Variants in PTPRD observed in about 807,000 individuals in gnomAD.
The protein encoded by PTPRD is protein tyrosine phosphatase receptor type D, also known as receptor-type tyrosine-protein phosphatase delta.
Under a neutral mutation model 214.5 loss-of-function variants are expected in PTPRD, and 34 were observed. That is an observed-to-expected ratio of 0.16 (90% confidence interval 0.12 to 0.21). The LOEUF (loss-of-function observed/expected upper bound fraction) is 0.21, where lower values mean the gene tolerates loss of function less well. Ranked by LOEUF, PTPRD falls within the 10% of genes least tolerant of loss-of-function variation. The probability of loss-of-function intolerance (pLI) is 1.00; values close to 1 mark genes in which losing one functional copy is unlikely to be tolerated. For synonymous variants in PTPRD, 1,128 were observed against 845.7 expected (o/e 1.33, Z -5.79); for missense variants, 2,545 against 2,398.7 (o/e 1.06, Z -1.27).
At chr9:10,130,692 C>T (rs1262297319) in intron 3 of PTPRD, among the ~76,000 whole-genome samples, 2 of 151,756 alleles carry the variant, frequency 1.3e-5, no homozygotes, top group Non-Finnish European at 2.9e-5. Context: ...TACTGAATGA[C>T]AGAAATAGTA....
intron 7 of PTPRD, among the ~76,000 whole-genome samples, chr9:9,657,000 T>G (rs1018256581): frequency 6.6e-6 from 1 of 151,604 alleles, no homozygotes; most frequent in African/African-American, 2.4e-5. Flanking sequence ...TATGCAAGAG[T>G]TTAGCATCAT....
At chr9:10,364,077 A>G (rs12000008) in intron 2 of PTPRD, among the ~76,000 whole-genome samples, 3,716 of 134,148 alleles carry the variant, frequency 0.028, 163 homozygotes, top group African/African-American at 0.1. Context: ...TCGGCTCACT[A>G]CAAGCTCCCC....
At chr9:9,371,482 G>T (rs951530461) in intron 9 of PTPRD, among the ~76,000 whole-genome samples, 6 of 151,820 alleles carry the variant, frequency 4.0e-5, no homozygotes, top group Non-Finnish European at 7.4e-5. Flanking sequence ...TTTTTATTGC[G>T]TCTATTTGAT....
At chr9:8,945,825 T>C (rs1257764244) in intron 11 of PTPRD, among the ~76,000 whole-genome samples, 3 of 152,194 alleles carry the variant, frequency 2.0e-5, no homozygotes, top group Non-Finnish European at 4.4e-5. Flanking sequence ...CCAAATTCTA[T>C]ACTTCCTTCA....
intron 12 of PTPRD, among the ~76,000 whole-genome samples, chr9:8,648,002 C>G (rs2096730817): frequency 6.6e-6 from 1 of 152,204 alleles, no homozygotes; most frequent in African/African-American, 2.4e-5. Context: ...CATCTCTGAT[C>G]TCACCTGGGA....
intron 10 of PTPRD, among the ~76,000 whole-genome samples, chr9:9,086,974 G>C (rs890002476): frequency 6.6e-5 from 10 of 152,156 alleles, no homozygotes; most frequent in African/African-American, 2.2e-4. Flanking sequence ...ATGAAAAACA[G>C]TCATCATGGC....
At chr9:8,511,602 C>G (rs1002457582) in intron 21 of PTPRD, among the ~76,000 whole-genome samples, 4 of 151,920 alleles carry the variant, frequency 2.6e-5, no homozygotes, top group Admixed American at 2.6e-4. Flanking sequence ...ATAAAAACAA[C>G]ATATCCAGAC....
intron 23 of PTPRD, among the ~76,000 whole-genome samples, chr9:8,501,729 A>G (rs1443746478): frequency 6.6e-6 from 1 of 152,226 alleles, no homozygotes; most frequent in African/African-American, 2.4e-5. Flanking sequence ...TGCAGAATCA[A>G]TAAAGGATGA....
At chr9:8,928,916 A>G (rs936566907) in intron 11 of PTPRD, among the ~76,000 whole-genome samples, 1 of 152,066 alleles carries the variant, frequency 6.6e-6, no homozygotes, top group Non-Finnish European at 1.5e-5. Flanking sequence ...CATCCCTCGT[A>G]AGTTGTATTC....
At chr9:8,642,096 A>G (rs183559538) in intron 12 of PTPRD, among the ~76,000 whole-genome samples, 1 of 152,356 alleles carries the variant, frequency 6.6e-6, no homozygotes, top group East Asian at 1.9e-4. Context: ...GATGAATGCA[A>G]TTTATGAGAA....
chr9:9,924,795 G>C (rs2083693099), intron 5 of PTPRD, among the ~76,000 whole-genome samples: 1 of 151,982 alleles, frequency 6.6e-6, no homozygotes, highest in Non-Finnish European at 1.5e-5. Flanking sequence ...CTAAAGTTTT[G>C]TGGGATTCAG....
intron 11 of PTPRD, among the ~76,000 whole-genome samples, chr9:8,748,819 G>T (rs375958471): frequency 6.6e-6 from 1 of 152,102 alleles, no homozygotes; most frequent in East Asian, 1.9e-4. Flanking sequence ...GCTGAGGTGT[G>T]AGAATCGCTT....
At chr9:8,895,802 A>T (rs1264853871) in intron 11 of PTPRD, among the ~76,000 whole-genome samples, 1 of 152,142 alleles carries the variant, frequency 6.6e-6, no homozygotes, top group Non-Finnish European at 1.5e-5. Flanking sequence ...TCTAGATTTA[A>T]CTCTCATATA....
chr9:9,147,215 T>A (rs2099870082), intron 10 of PTPRD, among the ~76,000 whole-genome samples: 1 of 151,282 alleles, frequency 6.6e-6, no homozygotes, highest in South Asian at 2.1e-4. Flanking sequence ...AAAACCTGAA[T>A]AATGATAAAT....
At chr9:10,485,646 T>A (rs374613965) in intron 2 of PTPRD, among the ~76,000 whole-genome samples, 4 of 152,136 alleles carry the variant, frequency 2.6e-5, no homozygotes, top group African/African-American at 9.7e-5. Context: ...TTTTAACATT[T>A]CTTTTTCAGA....
intron 10 of PTPRD, among the ~76,000 whole-genome samples, chr9:9,172,444 C>G (rs1013051926): frequency 2.0e-5 from 3 of 152,060 alleles, no homozygotes; most frequent in Non-Finnish European, 4.4e-5. Context: ...CTGATTAACC[C>G]TTTACTCACT....
intron 11 of PTPRD, among the ~76,000 whole-genome samples, chr9:8,751,573 A>G (rs1251147865): frequency 6.6e-6 from 1 of 152,152 alleles, no homozygotes; most frequent in East Asian, 1.9e-4. Flanking sequence ...AATAATTCAA[A>G]CATTCTTTCT....
intron 3 of PTPRD, among the ~76,000 whole-genome samples, chr9:10,040,317 T>C (rs1203531040): frequency 6.6e-6 from 1 of 152,046 alleles, no homozygotes; most frequent in African/African-American, 2.4e-5. Context: ...TTTGAATAAA[T>C]GGATAGCCAT....
At chr9:8,880,937 A>G (rs1007432659) in intron 11 of PTPRD, among the ~76,000 whole-genome samples, 13 of 151,856 alleles carry the variant, frequency 8.6e-5, no homozygotes, top group Admixed American at 7.2e-4. Context: ...AAATATATGT[A>G]TATATTTTTT....
Sources: gnomAD v4.1 joint callset for allele counts (sites outside exome capture counted in the v4.1 genomes callset) on GRCh38, gnomAD v4.1.1 for gene constraint, MANE v1.5 for transcripts, NCBI Gene and HGNC (gene_info 2026-07-23, HGNC 2026-07-21) for gene names.